Variants in ADAMTS18 observed in about 807,000 individuals in gnomAD.
ADAMTS18 encodes ADAM metallopeptidase with thrombospondin type 1 motif 18.
ADAMTS18 carries 157 observed loss-of-function variants against 165.9 expected under a neutral mutation model. That is an observed-to-expected ratio of 0.95 (90% CI 0.83 to 1.08). The LOEUF (loss-of-function observed/expected upper bound fraction) is 1.08, where lower values mean the gene tolerates loss of function less well. Among genes scored for constraint, ADAMTS18 ranks in the 50% least tolerant of loss-of-function variants. The probability of loss-of-function intolerance (pLI) is 0.00; values close to 1 mark genes in which losing one functional copy is unlikely to be tolerated. For synonymous variants in ADAMTS18, 782 were observed against 578.2 expected, an observed-to-expected ratio of 1.35 and a Z score of -5.06; for missense variants, 2,040 against 1,534.0, an observed-to-expected ratio of 1.33 and a Z score of -5.51.
At chr16:77,353,682 C>G in intron 10 of ADAMTS18, 51 bp downstream of exon 10, 2 of 1,613,046 alleles carry the variant, frequency 1.2e-6, no homozygotes, top group Non-Finnish European at 1.7e-6. Context: ...GTTAGGGACA[C>G]AGACACATTG....
At chr16:77,307,300 A>C (rs2055698999) in intron 16 of ADAMTS18, among the ~76,000 whole-genome samples, 1 of 152,178 alleles carries the variant, frequency 6.6e-6, no homozygotes. Context: ...CTTGTGTTAG[A>C]ATTCAGCCCA....
intron 16 of ADAMTS18, among the ~76,000 whole-genome samples, chr16:77,312,562 C>G (rs995186611): frequency 2.0e-5 from 3 of 152,150 alleles, no homozygotes; most frequent in Admixed American, 2.0e-4. Context: ...TTCTAACTAT[C>G]AGGAAAAATC....
At chr16:77,430,215 G>A (rs1234696666) in intron 3 of ADAMTS18, among the ~76,000 whole-genome samples, 1 of 152,206 alleles carries the variant, frequency 6.6e-6, no homozygotes, top group African/African-American at 2.4e-5. Flanking sequence ...ACAGGGGCAT[G>A]TAACCATGTT....
chr16:77,363,482 T>A (rs1022288803), intron 6 of ADAMTS18, among the ~76,000 whole-genome samples: 1 of 151,926 alleles, frequency 6.6e-6, no homozygotes, highest in African/African-American at 2.4e-5. Flanking sequence ...GAAGCCTACA[T>A]AAGATTTATT....
intron 16 of ADAMTS18, among the ~76,000 whole-genome samples, chr16:77,301,619 C>T (rs745792249): frequency 9.8e-5 from 15 of 152,336 alleles, no homozygotes; most frequent in South Asian, 6.2e-4. Flanking sequence ...CTGTCTCCCT[C>T]GGGTGGGATC....
At chr16:77,415,815 A>G (rs1427324818) in intron 3 of ADAMTS18, among the ~76,000 whole-genome samples, 2 of 152,126 alleles carry the variant, frequency 1.3e-5, no homozygotes, top group African/African-American at 4.8e-5. Flanking sequence ...CAATGGATGA[A>G]AAAATGAGAA....
chr16:77,305,614 C>G (rs2055667418), intron 16 of ADAMTS18, among the ~76,000 whole-genome samples: 1 of 152,164 alleles, frequency 6.6e-6, no homozygotes, highest in Admixed American at 6.5e-5. Context: ...TTTTAAGACA[C>G]AATTAAAAAT....
At chr16:77,363,761 C>A in intron 6 of ADAMTS18, 41 bp downstream of exon 6, 3 of 1,567,222 alleles carry the variant, frequency 1.9e-6, no homozygotes, top group Non-Finnish European at 2.6e-6. Context: ...GTATTCTGAA[C>A]GGCAGACTGA....
intron 3 of ADAMTS18, among the ~76,000 whole-genome samples, chr16:77,377,365 G>A (rs2056968472): frequency 6.6e-6 from 1 of 152,170 alleles, no homozygotes; most frequent in South Asian, 2.1e-4. Context: ...AAATTAGGAA[G>A]CTATAAATAA....
chr16:77,364,752 AAGAAG>A (rs1407873083), intron 4 of ADAMTS18, among the ~76,000 whole-genome samples: 12 of 136,438 alleles, frequency 8.8e-5, no homozygotes, highest in Admixed American at 6.8e-4. Context: ...AAGAAAAGAA[AAGAAG>A]AAAGAAAAGG....
At chr16:77,361,408 C>T (rs894342066) in intron 7 of ADAMTS18, among the ~76,000 whole-genome samples, 6 of 152,180 alleles carry the variant, frequency 3.9e-5, no homozygotes, top group Non-Finnish European at 8.8e-5. Context: ...GAAATGAGTA[C>T]TTCAAAGTCA....
chr16:77,374,218 CA>C (rs567551649), intron 3 of ADAMTS18, among the ~76,000 whole-genome samples: 1,646 of 85,330 alleles, frequency 0.019, 3 homozygotes, highest in Middle Eastern at 0.042. Flanking sequence ...GACTCCATCT[CA>C]AAAAAAAAAA....
chr16:77,381,234 C>T (rs1334799363), intron 3 of ADAMTS18, among the ~76,000 whole-genome samples: 9 of 150,674 alleles, frequency 6.0e-5, no homozygotes, highest in Admixed American at 6.0e-4. Flanking sequence ...TGTCTGACTC[C>T]ATGGCCTGCC....
intron 4 of ADAMTS18, among the ~76,000 whole-genome samples, chr16:77,366,426 C>A (rs1179216887): frequency 6.6e-6 from 1 of 152,070 alleles, no homozygotes; most frequent in Admixed American, 6.6e-5. Flanking sequence ...GGCGTGCTGG[C>A]GTGCGCCTAT....
chr16:77,329,577 T>A (rs950800067), intron 12 of ADAMTS18, among the ~76,000 whole-genome samples: 1 of 152,290 alleles, frequency 6.6e-6, no homozygotes, highest in African/African-American at 2.4e-5. Flanking sequence ...TTATAACTAT[T>A]TTTAAATGCC....
chr16:77,380,688 G>A (rs2057017809), intron 3 of ADAMTS18, among the ~76,000 whole-genome samples: 1 of 152,184 alleles, frequency 6.6e-6, no homozygotes, highest in African/African-American at 2.4e-5. Context: ...ATTAATCTCA[G>A]TGGTTTAATC....
chr16:77,409,008 C>T (rs1934860173), intron 3 of ADAMTS18, among the ~76,000 whole-genome samples: 1 of 102,500 alleles, frequency 9.8e-6, no homozygotes, highest in African/African-American at 3.0e-5. Flanking sequence ...CTTACTGTGC[C>T]TAATTTATGT....
intron 3 of ADAMTS18, among the ~76,000 whole-genome samples, chr16:77,368,138 C>T (rs184382114): frequency 3.3e-5 from 5 of 152,184 alleles, no homozygotes; most frequent in Non-Finnish European, 5.9e-5. Flanking sequence ...TATGAGTCAC[C>T]GTACCTGGCT....
At chr16:77,408,896 T>C (rs1366357934) in intron 3 of ADAMTS18, among the ~76,000 whole-genome samples, 6 of 152,146 alleles carry the variant, frequency 3.9e-5, no homozygotes, top group Non-Finnish European at 1.5e-5. Context: ...AGTCTTAAAA[T>C]AGATGAGTAA....
Sources: allele counts gnomAD v4.1 joint callset (sites outside exome capture counted in the v4.1 genomes callset), GRCh38; gene constraint gnomAD v4.1.1; transcripts MANE v1.5; gene names NCBI Gene and HGNC (gene_info 2026-07-23, HGNC 2026-07-21).